Variants in DRAM1 observed in about 807,000 individuals in gnomAD.
The protein encoded by DRAM1 is DNA damage-regulated autophagy modulator protein 1.
Under a neutral mutation model 28.5 loss-of-function variants are expected in DRAM1, and 25 were observed. The ratio of observed to expected loss-of-function variants is 0.88; its 90% CI spans 0.64 to 1.23. The LOEUF is 1.23. Ranked by LOEUF, DRAM1 falls within the 50% of genes most tolerant of loss-of-function variation. The pLI is 0.00. For missense variants in DRAM1, 249 were observed against 299.2 expected, an observed-to-expected ratio of 0.83 and a Z score of 1.24; for synonymous variants, 113 against 114.2, an observed-to-expected ratio of 0.99 and a Z score of 0.07.
Position 101,916,195 on chromosome 12 carries a change from A to T in DRAM1, c.579+1963A>T, listed in dbSNP as rs546891313. On this transcript the variant is annotated intron_variant, in intron 5 of 6. Transcript: ENST00000258534. ...TTGGTTAGAGTTGATGATTCTGAGG[A>T]TATGATGAGATATCGAGGTTAGAAA... Among the ~76,000 whole-genome samples the T allele has an allele frequency of 5.3e-5, 8 of 152,318 alleles. No homozygotes were observed. The South Asian group carries it at 1.7e-3, about 32-fold the overall frequency.
At chr12:101,897,699 G>A (rs746075394) in intron 1 of DRAM1, among the ~76,000 whole-genome samples, 164 bp from the exon 2 acceptor site, 3 of 152,010 alleles carry the variant, frequency 2.0e-5, no homozygotes, top group Non-Finnish European at 4.4e-5. Context: ...ATTTTTCAGA[G>A]CCAAAATGAA....
intron 4 of DRAM1, among the ~76,000 whole-genome samples, chr12:101,909,074 C>T (rs1418660522): frequency 5.3e-5 from 8 of 151,732 alleles, no homozygotes; most frequent in Admixed American, 4.6e-4. Context: ...CCAGCCTGAC[C>T]AACATGGAGA....
At chr12:101,904,586 C>T (rs535928177) in intron 3 of DRAM1, among the ~76,000 whole-genome samples, 4 of 151,548 alleles carry the variant, frequency 2.6e-5, no homozygotes, top group South Asian at 2.1e-4. Flanking sequence ...GGACTACAGG[C>T]GCCCGCCACC....
intron 1 of DRAM1, among the ~76,000 whole-genome samples, chr12:101,895,572 T>TTTTTA (rs1566124068): frequency 0.012 from 451 of 38,020 alleles, 27 homozygotes; most frequent in African/African-American, 0.061. Flanking sequence ...GGCTATTTTT[T>TTTTTA]TTTTTTTTTT....
At chr12:101,917,876 G>A (rs1289097388) in intron 5 of DRAM1, among the ~76,000 whole-genome samples, 2 of 152,180 alleles carry the variant, frequency 1.3e-5, no homozygotes. Flanking sequence ...AAGTGAGACC[G>A]CATAGCGGAG....
At chr12:101,902,574 A>G (rs985339719) in intron 3 of DRAM1, among the ~76,000 whole-genome samples, 7 of 152,252 alleles carry the variant, frequency 4.6e-5, no homozygotes, top group African/African-American at 1.7e-4. Context: ...GTATAGATAT[A>G]TCACTTTATC....
In DRAM1 at chr12:101,877,885, C is replaced by T. The variant is rs768371884; in HGVS notation, c.96C>T (p.Leu32=). 2.6e-6 allele frequency: 4 copies of T among 1,544,128 alleles called. No individual in the cohort carries two copies. The highest frequency in any genetic ancestry group is 2.7e-5 in the African/African-American group (2 of 73,056). The change falls in exon 1 of 7, where the codon CTC becomes CTT. Residue 32 remains leucine, a synonymous_variant. Transcript: ENST00000258534. The surrounding 1 kb of genome is among the most constrained non-coding windows in gnomAD (Gnocchi z 4.1). The part of the protein sequence containing the change: ...AFIISYVVAV[L]SGHVNPFLPY... Reference sequence around the variant, plus strand: ...TTATCTCCTACGTGGTCGCCGTGCTCTCCGGGCACGTCAACCCCTTCCTCC... The same window carrying T: ...TTATCTCCTACGTGGTCGCCGTGCTTTCCGGGCACGTCAACCCCTTCCTCC...
chr12:101,923,331 G>A lies in DRAM1; in HGVS notation c.*2071G>A, dbSNP rs1383723252. 1.3e-5 allele frequency: 2 copies of A among 152,146 alleles called. No homozygotes were observed. The highest frequency in any genetic ancestry group is 1.9e-4 in the East Asian group (1 of 5,200). 9.4% of individuals were successfully genotyped at this position (152,146 alleles called of 1,614,324 possible). On this transcript the variant is annotated 3_prime_UTR_variant, in exon 7 of 7. Coordinates refer to ENST00000258534, the MANE Select transcript of DRAM1 (RefSeq NM_018370.3). ...CTTCGAGCAGACTTTTGTTCTCGGC[G>A]CTCCTCACGATGGAGTTTCATGCTT... is the stretch of plus-strand genomic sequence containing the variant.
At chr12:101,892,267 G>C (rs1460475253) in intron 1 of DRAM1, among the ~76,000 whole-genome samples, 1 of 150,526 alleles carries the variant, frequency 6.6e-6, no homozygotes, top group Non-Finnish European at 1.5e-5. Flanking sequence ...ACAGAGTCTT[G>C]CTGTGTCGCC....
At chr12:101,915,584 C>A (rs919451260) in intron 5 of DRAM1, among the ~76,000 whole-genome samples, 1 of 151,772 alleles carries the variant, frequency 6.6e-6, no homozygotes, top group African/African-American at 2.4e-5. Context: ...CCCTTGTTGC[C>A]TAGGCTGGAG....
chr12:101,880,725 G>A (rs1872661701), intron 1 of DRAM1, among the ~76,000 whole-genome samples: 1 of 152,176 alleles, frequency 6.6e-6, no homozygotes, highest in South Asian at 2.1e-4. Context: ...TGATGTAGTT[G>A]TGATTAATAT....
chr12:101,889,503 AAAGG>A (rs1555281428), intron 1 of DRAM1, among the ~76,000 whole-genome samples: 1 of 141,498 alleles, frequency 7.1e-6, no homozygotes, highest in South Asian at 2.4e-4. Flanking sequence ...GTAAGGAAGG[AAAGG>A]AAGGAAGGAA....
At chr12:101,886,482 A>G (rs1218283659) in intron 1 of DRAM1, among the ~76,000 whole-genome samples, 1 of 152,232 alleles carries the variant, frequency 6.6e-6, no homozygotes, top group Non-Finnish European at 1.5e-5. Context: ...ATTGGGCTGG[A>G]TAGGAAAGGA....
chr12:101,914,097 A>T (rs761922080), intron 4 of DRAM1, 77 bp from the exon 5 acceptor site: 2 of 896,374 alleles, frequency 2.2e-6, no homozygotes, highest in Non-Finnish European at 3.3e-6. Flanking sequence ...TGATTATGTT[A>T]TTAGGAGAAT....
At chr12:101,917,538 AT>A (rs369270409) in intron 5 of DRAM1, among the ~76,000 whole-genome samples, 227 of 142,192 alleles carry the variant, frequency 1.6e-3, no homozygotes, top group African/African-American at 5.2e-3. Context: ...AAAAAAAAAA[AT>A]TTTTGGTGTA....
chr12:101,901,192 C>A, intron 2 of DRAM1, 99 bp from the exon 3 acceptor site: 1 of 1,365,648 alleles, frequency 7.3e-7, no homozygotes, highest in Non-Finnish European at 9.9e-7. Flanking sequence ...GGGAGACTTG[C>A]AATCAGTACA....
At position 101,883,251 on chromosome 12, in the gene DRAM1, G is replaced by A. The variant is rs1434180927; in HGVS notation, c.131+5331G>A. 1.3e-5 allele frequency among the ~76,000 whole-genome samples: 2 copies of A among 150,710 alleles called. 1 individual carries two copies. The highest frequency in any genetic ancestry group is 4.2e-4 in the East Asian group (2 of 4,706). On this transcript the variant is annotated intron_variant, in intron 1 of 6. Transcript: ENST00000258534. ...AGTAGGTCAAGGTCAGTGAGACATTGGCAGATGGGGAAAAAGGATAATTAT... is the reference window on the plus strand; with the variant it reads ...AGTAGGTCAAGGTCAGTGAGACATTAGCAGATGGGGAAAAAGGATAATTAT...
intron 4 of DRAM1, among the ~76,000 whole-genome samples, chr12:101,911,743 T>C (rs978648456): frequency 7.1e-6 from 1 of 141,448 alleles, no homozygotes; most frequent in Non-Finnish European, 1.5e-5. Flanking sequence ...AATATCTCAA[T>C]AATTTTTTAT....
In DRAM1 at chr12:101,923,040, G is replaced by C. The variant is rs1414390772; in HGVS notation, c.*1780G>C. 1 of 152,254 alleles carries C rather than the reference G, an allele frequency of 6.6e-6. No individual in the cohort carries two copies. The highest frequency in any genetic ancestry group is 1.5e-5 in the Non-Finnish European group (1 of 68,082). 9.4% of individuals were successfully genotyped at this position (152,254 alleles called of 1,614,324 possible). On this transcript the variant is annotated 3_prime_UTR_variant, in exon 7 of 7. Transcript: ENST00000258534. ...CTGAGCCCAGGAGGTGGAGGCTGCA[G>C]TGAGCCATGCCAATGCACTCCAGTC... is the stretch of plus-strand genomic sequence containing the variant.
Sources: gnomAD v4.1 joint callset for allele counts (sites outside exome capture counted in the v4.1 genomes callset) on GRCh38, gnomAD v4.1.1 for gene constraint, Gnocchi (gnomAD v3.1) non-coding constraint, MANE v1.5 for transcripts, NCBI Gene and HGNC (gene_info 2026-07-23, HGNC 2026-07-21) for gene names.